Variants in CYRIA observed in about 807,000 individuals in gnomAD.
The protein encoded by CYRIA is CYFIP-related Rac1 interactor A.
In CYRIA, 15 loss-of-function variants were observed where a neutral mutation model predicts 43.9. The ratio of observed to expected loss-of-function variants is 0.34; its 90% CI spans 0.23 to 0.53. CYRIA has a LOEUF of 0.53. Among genes scored for constraint, CYRIA ranks in the 20% least tolerant of loss-of-function variants. The pLI is 0.94. For synonymous variants in CYRIA, 117 were observed against 136.0 expected (o/e 0.86, Z 0.97); for missense variants, 236 against 394.2 (o/e 0.60, Z 3.40).
At chr2:16,651,931 G>A (rs949137128) in intron 1 of CYRIA, among the ~76,000 whole-genome samples, 2 of 152,102 alleles carry the variant, frequency 1.3e-5, no homozygotes, top group African/African-American at 2.4e-5. Context: ...TTATCTGTCA[G>A]AACAACCCCA....
chr2:16,622,721 T>G (rs1017209140), intron 2 of CYRIA, among the ~76,000 whole-genome samples: 1 of 152,206 alleles, frequency 6.6e-6, no homozygotes, highest in African/African-American at 2.4e-5. Flanking sequence ...AGCTGAGATC[T>G]GAAGTCATGT....
At chr2:16,562,184 C>T (rs1225673116) in intron 5 of CYRIA, 43 bp from the exon 6 acceptor site, 19 of 1,582,666 alleles carry the variant, frequency 1.2e-5, no homozygotes, top group African/African-American at 6.8e-5. Context: ...AGGTGGCCCA[C>T]AGAGGTCCTT....
chr2:16,569,083 C>T (rs747851062), intron 3 of CYRIA, among the ~76,000 whole-genome samples: 15 of 152,150 alleles, frequency 9.9e-5, no homozygotes, highest in Non-Finnish European at 1.9e-4. Flanking sequence ...GACAAACAAG[C>T]TGCGCTCTCC....
chr2:16,563,243 A>G (rs1487711016), intron 5 of CYRIA, among the ~76,000 whole-genome samples: 1 of 151,992 alleles, frequency 6.6e-6, no homozygotes, highest in Non-Finnish European at 1.5e-5. Context: ...GTCATCAGAA[A>G]CCCTCTCTTC....
At chr2:16,559,400 C>G in intron 10 of CYRIA, 60 bp downstream of exon 10, 2 of 1,571,244 alleles carry the variant, frequency 1.3e-6, no homozygotes, top group South Asian at 1.2e-5. Flanking sequence ...GGAAGAAAAA[C>G]AAGGTCTGGC....
intron 1 of CYRIA, among the ~76,000 whole-genome samples, chr2:16,629,293 T>A (rs1669255418): frequency 6.6e-6 from 1 of 152,166 alleles, no homozygotes; most frequent in Non-Finnish European, 1.5e-5. Context: ...AGATCCTCCC[T>A]TTTCCCCTGA....
intron 1 of CYRIA, among the ~76,000 whole-genome samples, chr2:16,649,930 A>G (rs1669927759): frequency 6.6e-6 from 1 of 152,186 alleles, no homozygotes; most frequent in Admixed American, 6.5e-5. Flanking sequence ...TGGAGTGAAA[A>G]TAGAATAAAG....
chr2:16,590,863 A>G (rs1311253928), intron 2 of CYRIA, among the ~76,000 whole-genome samples: 1 of 152,110 alleles, frequency 6.6e-6, no homozygotes, highest in Non-Finnish European at 1.5e-5. Flanking sequence ...AAATGATTTG[A>G]TGCTTACTGC....
intron 1 of CYRIA, among the ~76,000 whole-genome samples, chr2:16,632,529 A>C (rs1421163557): frequency 1.3e-5 from 2 of 152,156 alleles, no homozygotes; most frequent in Non-Finnish European, 2.9e-5. Context: ...TTTTCTAGCA[A>C]ACTGTTTCCT....
chr2:16,591,835 G>A (rs1667942143), intron 2 of CYRIA, among the ~76,000 whole-genome samples: 1 of 152,026 alleles, frequency 6.6e-6, no homozygotes, highest in Non-Finnish European at 1.5e-5. Flanking sequence ...AGTATGTTGT[G>A]TATACTGTAA....
chr2:16,567,503 T>A (rs1235382423), intron 3 of CYRIA, among the ~76,000 whole-genome samples: 1 of 152,032 alleles, frequency 6.6e-6, no homozygotes, highest in African/African-American at 2.4e-5. Context: ...TATGCTGACT[T>A]GGTGTTCAGA....
At chr2:16,605,527 C>G (rs915786124) in intron 2 of CYRIA, among the ~76,000 whole-genome samples, 1 of 152,198 alleles carries the variant, frequency 6.6e-6, no homozygotes, top group Non-Finnish European at 1.5e-5. Flanking sequence ...TACCCAGGCC[C>G]GTTCTGCCTA....
chr2:16,567,877 G>A (rs1156424391), intron 3 of CYRIA, among the ~76,000 whole-genome samples: 3 of 151,876 alleles, frequency 2.0e-5, no homozygotes, highest in Non-Finnish European at 4.4e-5. Flanking sequence ...ACAGTTACAT[G>A]TAAGGGATAT....
At chr2:16,653,775 C>T (rs146475469) in intron 1 of CYRIA, among the ~76,000 whole-genome samples, 8 of 152,236 alleles carry the variant, frequency 5.3e-5, no homozygotes, top group South Asian at 2.1e-4. Flanking sequence ...ACACCAGAAG[C>T]GAATCTCAAA....
chr2:16,605,142 C>A (rs13026539), intron 2 of CYRIA, among the ~76,000 whole-genome samples: 7,806 of 151,522 alleles, frequency 0.052, 310 homozygotes, highest in Non-Finnish European at 0.073. Context: ...AAAAAAACCA[C>A]GAAACCATTA....
chr2:16,608,032 G>A (rs1668470099), intron 2 of CYRIA, among the ~76,000 whole-genome samples: 1 of 152,084 alleles, frequency 6.6e-6, no homozygotes, highest in Admixed American at 6.5e-5. Flanking sequence ...TCTTGCAGGG[G>A]CTATCTCTGA....
chr2:16,602,426 T>C (rs1668245469), intron 2 of CYRIA, among the ~76,000 whole-genome samples: 1 of 152,062 alleles, frequency 6.6e-6, no homozygotes, highest in South Asian at 2.1e-4. Flanking sequence ...CAATAACATA[T>C]ATTTATATAA....
chr2:16,577,946 C>A (rs570065620), intron 3 of CYRIA, among the ~76,000 whole-genome samples: 2 of 152,288 alleles, frequency 1.3e-5, no homozygotes, highest in South Asian at 4.2e-4. Context: ...CCATGCCAGG[C>A]CTGCTGTGGT....
In CYRIA at chr2:16,561,232, A is replaced by C. The variant is rs755137896; in HGVS notation, c.559T>G (p.Ser187Ala). Residue 187 changes from serine to alanine, a missense_variant, in exon 8 of 12, where the codon TCC (serine) becomes GCC (alanine). By Grantham distance (99) the Ser-to-Ala change is moderately conservative. Coordinates refer to ENST00000381323, the MANE Select transcript of CYRIA (RefSeq NM_030797.4). Reference protein sequence around the residue: ...EVNNEMANRMSLFYAEATPML... With the variant: ...EVNNEMANRMALFYAEATPML... ...GGCGTGGCTTCTGCATAGAAGAGGG[A>C]CATTCGATTGGCCATCTCATTATTG... The C allele has an allele frequency of 6.2e-6, 10 of 1,613,684 alleles. No homozygotes were observed. The highest frequency in any genetic ancestry group is 8.5e-7 in the Non-Finnish European group (1 of 1,179,760).
Sources: allele counts gnomAD v4.1 joint callset (sites outside exome capture counted in the v4.1 genomes callset), GRCh38; gene constraint gnomAD v4.1.1; transcripts MANE v1.5; gene names NCBI Gene and HGNC (gene_info 2026-07-23, HGNC 2026-07-21).